Variants in PAPSS1 observed in about 807,000 individuals in gnomAD.
PAPSS1 encodes the protein 3'-phosphoadenosine 5'-phosphosulfate synthase 1.
PAPSS1 carries 50 observed loss-of-function variants against 72.0 expected under a neutral mutation model. The observed-to-expected ratio is 0.69, with a 90% CI of 0.55 to 0.88. PAPSS1 has a LOEUF of 0.88. Ranked by LOEUF, PAPSS1 falls within the 40% of genes least tolerant of loss-of-function variation. PAPSS1 has a pLI of 0.00. For synonymous variants in PAPSS1, 261 were observed against 263.6 expected, an observed-to-expected ratio of 0.99 and a Z score of 0.09; for missense variants, 657 against 782.2, an observed-to-expected ratio of 0.84 and a Z score of 1.91.
intron 9 of PAPSS1, among the ~76,000 whole-genome samples, chr4:107,651,384 T>C (rs1726834250): frequency 1.3e-5 from 2 of 152,178 alleles, no homozygotes; most frequent in South Asian, 4.1e-4. Flanking sequence ...GCTCTAACCT[T>C]CACATGAATA....
At chr4:107,621,387 T>C (rs1725949953) in intron 11 of PAPSS1, among the ~76,000 whole-genome samples, 1 of 152,174 alleles carries the variant, frequency 6.6e-6, no homozygotes, top group African/African-American at 2.4e-5. Flanking sequence ...GATTAATGTA[T>C]AAAGAGAATA....
intron 2 of PAPSS1, among the ~76,000 whole-genome samples, chr4:107,695,116 A>G (rs1433074189): frequency 6.6e-6 from 1 of 152,180 alleles, no homozygotes; most frequent in Non-Finnish European, 1.5e-5. Context: ...GATTCTTCCT[A>G]TCCATGAGGC....
At chr4:107,685,113 C>T (rs937530909) in intron 4 of PAPSS1, among the ~76,000 whole-genome samples, 2 of 152,076 alleles carry the variant, frequency 1.3e-5, no homozygotes, top group African/African-American at 2.4e-5. Context: ...ACCGTGTTAG[C>T]GAGGATGGTC....
intron 9 of PAPSS1, among the ~76,000 whole-genome samples, chr4:107,652,694 G>A (rs917368943): frequency 1.1e-4 from 17 of 152,064 alleles, no homozygotes; most frequent in Admixed American, 5.2e-4. Context: ...TATTTGCTGC[G>A]ATAAATGACA....
chr4:107,644,507 G>A (rs760221885), intron 10 of PAPSS1, among the ~76,000 whole-genome samples: 3 of 152,148 alleles, frequency 2.0e-5, no homozygotes, highest in Non-Finnish European at 4.4e-5. Flanking sequence ...GTTACAAGAG[G>A]AGCTTGTGGC....
intron 10 of PAPSS1, among the ~76,000 whole-genome samples, chr4:107,643,832 A>T (rs1200838220): frequency 6.6e-6 from 1 of 152,214 alleles, no homozygotes; most frequent in African/African-American, 2.4e-5. Context: ...TCTGTAACTC[A>T]AATAATATGT....
At chr4:107,634,535 T>G (rs547258239) in intron 10 of PAPSS1, among the ~76,000 whole-genome samples, 68 of 152,254 alleles carry the variant, frequency 4.5e-4, no homozygotes, top group African/African-American at 1.5e-3. Context: ...TTATTAAGGT[T>G]CAAATTTACC....
chr4:107,697,041 G>A (rs571444814), intron 2 of PAPSS1, among the ~76,000 whole-genome samples: 3 of 106,252 alleles, frequency 2.8e-5, no homozygotes, highest in South Asian at 9.4e-4. Flanking sequence ...ATGCTATGCA[G>A]CTTTTCTTTG....
chr4:107,681,266 C>T (rs571719252), intron 5 of PAPSS1, among the ~76,000 whole-genome samples: 1 of 152,082 alleles, frequency 6.6e-6, no homozygotes, highest in African/African-American at 2.4e-5. Flanking sequence ...GACTGAATAG[C>T]AAAGGGGGGA....
At chr4:107,646,062 A>G (rs1726684654) in intron 9 of PAPSS1, among the ~76,000 whole-genome samples, 1 of 152,220 alleles carries the variant, frequency 6.6e-6, no homozygotes, top group South Asian at 2.1e-4. Flanking sequence ...CGTTACCTTT[A>G]TACATGAACA....
chr4:107,662,590 A>G (rs1727212374), intron 5 of PAPSS1, among the ~76,000 whole-genome samples: 1 of 151,412 alleles, frequency 6.6e-6, no homozygotes, highest in Non-Finnish European at 1.5e-5. Flanking sequence ...AGGAGGGGAA[A>G]CCACATATAG....
In PAPSS1 at chr4:107,689,605, C is replaced by A. The variant is rs141201514; in HGVS notation, c.412-2428G>T. Among the ~76,000 whole-genome samples, 67 of 152,260 alleles carry A rather than the reference C, an allele frequency of 4.4e-4. No individual in the cohort carries two copies. In the East Asian group the frequency reaches 0.011, roughly 25 times the overall value. The stretch of plus-strand genomic sequence containing the variant: ...GCAATTAAGCTATGATCTTACTATT[C>A]TAACTATCCTTTTAAAGGAAAGTGT... On this transcript the variant is annotated intron_variant, in intron 3 of 11. Transcript: ENST00000265174.
intron 6 of PAPSS1, 149 bp from the exon 7 acceptor site, chr4:107,657,156 G>A: frequency 1.8e-6 from 1 of 571,248 alleles, no homozygotes; most frequent in Non-Finnish European, 3.2e-6. Flanking sequence ...AAAGAATAAG[G>A]GCACTAGGAA....
At chr4:107,648,921 C>A (rs535580055) in intron 9 of PAPSS1, among the ~76,000 whole-genome samples, 1 of 152,274 alleles carries the variant, frequency 6.6e-6, no homozygotes, top group South Asian at 2.1e-4. Flanking sequence ...AAGAGATGGG[C>A]CCCTTGAACA....
intron 5 of PAPSS1, among the ~76,000 whole-genome samples, chr4:107,663,804 A>C (rs917918309): frequency 2.0e-5 from 3 of 152,206 alleles, no homozygotes; most frequent in Non-Finnish European, 4.4e-5. Context: ...TAGATGAGCG[A>C]ATTGAAGTCC....
At chr4:107,622,295 C>G (rs1031590346) in intron 11 of PAPSS1, among the ~76,000 whole-genome samples, 1 of 152,194 alleles carries the variant, frequency 6.6e-6, no homozygotes, top group Non-Finnish European at 1.5e-5. Flanking sequence ...TTGCTGTTTA[C>G]TGCTCCATGC....
chr4:107,684,984 C>T (rs1560584478), intron 4 of PAPSS1, among the ~76,000 whole-genome samples: 1 of 152,122 alleles, frequency 6.6e-6, no homozygotes, highest in African/African-American at 2.4e-5. Context: ...CGGCTCACTG[C>T]AAGCTCTGCC....
chr4:107,629,791 G>A (rs1726185611), intron 11 of PAPSS1, among the ~76,000 whole-genome samples: 1 of 152,170 alleles, frequency 6.6e-6, no homozygotes, highest in South Asian at 2.1e-4. Flanking sequence ...GAGGGCCAAA[G>A]AACAATAACA....
chr4:107,705,812 A>T (rs1364581297), intron 1 of PAPSS1, among the ~76,000 whole-genome samples: 1 of 152,196 alleles, frequency 6.6e-6, no homozygotes, highest in Non-Finnish European at 1.5e-5. Flanking sequence ...CTTTTATTTC[A>T]GCTTGGAGAA....
Sources: allele counts gnomAD v4.1 joint callset (sites outside exome capture counted in the v4.1 genomes callset), GRCh38; gene constraint gnomAD v4.1.1; transcripts MANE v1.5; gene names NCBI Gene and HGNC (gene_info 2026-07-23, HGNC 2026-07-21).